Variants in ASAP1 observed in about 807,000 individuals in gnomAD.
The protein encoded by ASAP1 is ArfGAP with SH3 domain, ankyrin repeat and PH domain 1.
ASAP1 carries 43 observed loss-of-function variants against 145.2 expected under a neutral mutation model. The observed-to-expected ratio is 0.30, with a 90% CI of 0.23 to 0.38. ASAP1 has a LOEUF of 0.38. ASAP1 is among the 10% of genes least tolerant of loss of function. The pLI is 1.00. For synonymous variants in ASAP1, 546 were observed against 515.5 expected, an observed-to-expected ratio of 1.06 and a Z score of -0.80; for missense variants, 1,018 against 1,355.3, an observed-to-expected ratio of 0.75 and a Z score of 3.91.
At chr8:130,381,359 T>C (rs944593578) in intron 2 of ASAP1, among the ~76,000 whole-genome samples, 1 of 152,182 alleles carries the variant, frequency 6.6e-6, no homozygotes, top group Non-Finnish European at 1.5e-5. Context: ...TTTAACCCAA[T>C]ATATTCAAAA....
At chr8:130,262,417 AGAGAGAGAGAGAGAGAGAGAGAGAG>A (rs1819979615) in intron 3 of ASAP1, among the ~76,000 whole-genome samples, 1 of 32,980 alleles carries the variant, frequency 3.0e-5, no homozygotes, top group South Asian at 1.7e-3. Flanking sequence ...AAAAAAAAAA[AGAGAGAGAGAGAGAGAGAGAGAGAG>A]AGAGAGAGAG....
intron 2 of ASAP1, among the ~76,000 whole-genome samples, chr8:130,359,648 G>A (rs1826610284): frequency 7.2e-6 from 1 of 139,790 alleles, no homozygotes; most frequent in Non-Finnish European, 1.5e-5. Context: ...ACGGAGTCTC[G>A]CTCTGTCGCC....
intron 11 of ASAP1, 62 bp downstream of exon 11, chr8:130,167,474 A>C: frequency 7.7e-7 from 1 of 1,297,160 alleles, no homozygotes; most frequent in Non-Finnish European, 1.1e-6. Flanking sequence ...GGAAACACAA[A>C]GGGTATTACA....
chr8:130,281,670 A>G (rs1821254827), intron 3 of ASAP1, among the ~76,000 whole-genome samples: 1 of 152,254 alleles, frequency 6.6e-6, no homozygotes, highest in Admixed American at 6.5e-5. Context: ...TGGGGAACCC[A>G]GGAATCAACA....
At chr8:130,059,108 A>G (rs2097411440) in intron 28 of ASAP1, among the ~76,000 whole-genome samples, 1 of 152,054 alleles carries the variant, frequency 6.6e-6, no homozygotes, top group South Asian at 2.1e-4. Context: ...CTACAGGAAG[A>G]TGGGTTTTAT....
chr8:130,303,912 C>A (rs1489524448), intron 3 of ASAP1, among the ~76,000 whole-genome samples: 1 of 152,138 alleles, frequency 6.6e-6, no homozygotes, highest in Non-Finnish European at 1.5e-5. Flanking sequence ...ACACTATGAA[C>A]TTACATTAGT....
intron 3 of ASAP1, among the ~76,000 whole-genome samples, chr8:130,283,202 C>T (rs1356375741): frequency 2.0e-5 from 3 of 152,112 alleles, no homozygotes; most frequent in Non-Finnish European, 2.9e-5. Context: ...AAAAGTAAGG[C>T]CCTCTTTGTA....
chr8:130,199,730 C>T (rs1003154954), intron 5 of ASAP1, among the ~76,000 whole-genome samples: 2 of 152,124 alleles, frequency 1.3e-5, no homozygotes, highest in African/African-American at 2.4e-5. Flanking sequence ...TGAGATACAA[C>T]TGAATAAAGC....
At chr8:130,097,161 A>AAAAG (rs2097520039) in intron 24 of ASAP1, among the ~76,000 whole-genome samples, 1 of 127,802 alleles carries the variant, frequency 7.8e-6, no homozygotes, top group Non-Finnish European at 1.6e-5. Flanking sequence ...AAAAAAAAAA[A>AAAAG]GTCCTTGAAA....
At chr8:130,216,151 A>C (rs1178410441) in intron 4 of ASAP1, among the ~76,000 whole-genome samples, 2 of 152,182 alleles carry the variant, frequency 1.3e-5, no homozygotes, top group African/African-American at 2.4e-5. Context: ...TGGATTGCAA[A>C]AGAAAAATTC....
intron 28 of ASAP1, among the ~76,000 whole-genome samples, chr8:130,058,908 G>A (rs762153214): frequency 2.0e-5 from 3 of 152,162 alleles, no homozygotes; most frequent in Non-Finnish European, 2.9e-5. Flanking sequence ...GCAGAACTGT[G>A]GCAGTGACTG....
intron 4 of ASAP1, among the ~76,000 whole-genome samples, chr8:130,219,981 G>A (rs1333248874): frequency 2.0e-5 from 3 of 152,112 alleles, no homozygotes; most frequent in Non-Finnish European, 2.9e-5. Flanking sequence ...TAGAGATGGG[G>A]TCTTGCCATG....
chr8:130,437,893 C>G (rs1220312858), intron 1 of ASAP1, among the ~76,000 whole-genome samples: 1 of 152,212 alleles, frequency 6.6e-6, no homozygotes, highest in African/African-American at 2.4e-5. Context: ...CAGGATCCCG[C>G]CACTGGAGGG....
intron 2 of ASAP1, among the ~76,000 whole-genome samples, chr8:130,397,852 G>A (rs532384971): frequency 1.3e-4 from 20 of 152,358 alleles, no homozygotes; most frequent in Non-Finnish European, 2.4e-4. Flanking sequence ...CTGGTAATCT[G>A]AATGGTATTT....
intron 18 of ASAP1, among the ~76,000 whole-genome samples, chr8:130,121,538 C>G (rs2097565851): frequency 6.6e-6 from 1 of 151,966 alleles, no homozygotes; most frequent in Admixed American, 6.6e-5. Flanking sequence ...TCCCAGCACA[C>G]TGGGAGGCCG....
intron 3 of ASAP1, among the ~76,000 whole-genome samples, chr8:130,335,499 A>T (rs1049433208): frequency 1.3e-5 from 2 of 152,238 alleles, no homozygotes; most frequent in Non-Finnish European, 2.9e-5. Context: ...AAATAGCAAA[A>T]TGAATGCATG....
chr8:130,433,649 G>T (rs1195484435), intron 1 of ASAP1, among the ~76,000 whole-genome samples: 1 of 152,198 alleles, frequency 6.6e-6, no homozygotes, highest in Non-Finnish European at 1.5e-5. Flanking sequence ...AGGGAAATCT[G>T]TGCAATGAAA....
intron 24 of ASAP1, among the ~76,000 whole-genome samples, chr8:130,095,525 T>G (rs1457257675): frequency 1.3e-5 from 2 of 151,918 alleles, no homozygotes; most frequent in African/African-American, 4.8e-5. Context: ...GGTCTTGAAC[T>G]CCCAACCTCA....
intron 3 of ASAP1, among the ~76,000 whole-genome samples, chr8:130,283,587 GAAAAA>G (rs71304303): frequency 9.6e-5 from 2 of 20,852 alleles, no homozygotes; most frequent in African/African-American, 3.4e-4. Context: ...ATCACAGAAA[GAAAAA>G]AAAAAAAAAA....
Sources: allele counts gnomAD v4.1 joint callset (sites outside exome capture counted in the v4.1 genomes callset), GRCh38; gene constraint gnomAD v4.1.1; transcripts MANE v1.5; gene names NCBI Gene and HGNC (gene_info 2026-07-23, HGNC 2026-07-21).